ATRX: variants seen among roughly 807,000 people sequenced by gnomAD.
ATRX encodes the protein ATRX chromatin remodeler.
In ATRX, 12 loss-of-function variants were observed where a neutral mutation model predicts 172.6. That is an observed-to-expected ratio of 0.07 (90% CI 0.04 to 0.11). The LOEUF (loss-of-function observed/expected upper bound fraction) is 0.11. ATRX is among the 10% of genes least tolerant of loss of function. ATRX has a pLI of 1.00. For synonymous variants in ATRX, 674 were observed against 594.7 expected (o/e 1.13, Z -1.94); for missense variants, 1,368 against 1,767.4 (o/e 0.77, Z 4.05).
chrX:77,721,632 T>C (rs2073774821), intron 1 of ATRX, among the ~76,000 whole-genome samples: 1 of 111,410 alleles, frequency 9.0e-6, no homozygotes, highest in African/African-American at 3.3e-5. Context: ...AAGGACCTCT[T>C]CAAGGAGAAC....
Position 77,504,940 on chromosome X carries a change from T to G in ATRX, c.*3411A>C. ...TAGTATATATAAAATGTTGTGAAGA[T>G]GAAAGCATTTCTGAAACTTGATCAC... On this transcript the variant is annotated 3_prime_UTR_variant, in exon 35 of 35. Transcript: ENST00000373344. 6.2e-6 allele frequency: 1 copy of G among 160,408 alleles called. No homozygotes were observed. Among genetic ancestry groups the G allele is most frequent in the Non-Finnish European group, 1.2e-5 (1 of 82,015 alleles). The allele number at this position is 160,408 out of a possible 1,213,427, so 13.2% of individuals were successfully genotyped here.
intron 22 of ATRX, 69 bp downstream of exon 22, chrX:77,616,544 T>G: frequency 1.7e-6 from 2 of 1,159,461 alleles, no homozygotes; most frequent in Non-Finnish European, 2.4e-6. Flanking sequence ...GTAAGATGAC[T>G]GAAATAATCT....
intron 7 of ATRX, among the ~76,000 whole-genome samples, chrX:77,687,895 G>T (rs1307039463): frequency 2.7e-5 from 3 of 111,951 alleles, no homozygotes; most frequent in African/African-American, 6.5e-5. Context: ...ATTAATCTTA[G>T]CAGGAATATG....
chrX:77,511,009 G>A (rs2062851334), intron 34 of ATRX, among the ~76,000 whole-genome samples: 1 of 112,725 alleles, frequency 8.9e-6, no homozygotes, highest in African/African-American at 3.2e-5. Context: ...CAGGCTTCAG[G>A]TCTAACCCAG....
intron 1 of ATRX, among the ~76,000 whole-genome samples, chrX:77,737,435 A>AGGGG (rs1210379916): frequency 1.1e-3 from 45 of 39,146 alleles, no homozygotes; most frequent in African/African-American, 4.1e-3. Flanking sequence ...AAAAAAAAAA[A>AGGGG]GGGGGGGGGG....
chrX:77,640,627 C>T (rs190412818), intron 15 of ATRX, among the ~76,000 whole-genome samples: 70 of 110,586 alleles, frequency 6.3e-4, no homozygotes, highest in African/African-American at 2.3e-3. Context: ...AATAAAGACA[C>T]CACGGGACCC....
At chrX:77,547,428 A>C (rs1277192724) in intron 30 of ATRX, among the ~76,000 whole-genome samples, 1 of 111,765 alleles carries the variant, frequency 8.9e-6, no homozygotes, top group Non-Finnish European at 1.9e-5. Context: ...GTTTTCCCTA[A>C]AAGACTTGGT....
chrX:77,532,816 T>C (rs2063622014), intron 30 of ATRX, among the ~76,000 whole-genome samples: 1 of 111,854 alleles, frequency 8.9e-6, no homozygotes, highest in Non-Finnish European at 1.9e-5. Context: ...ACTAAAAAGC[T>C]TCTGCACAGC....
chrX:77,620,915 T>C (rs782672020), intron 19 of ATRX, among the ~76,000 whole-genome samples: 1 of 112,041 alleles, frequency 8.9e-6, no homozygotes, highest in African/African-American at 3.2e-5. Flanking sequence ...ACTTAAACTA[T>C]CAGCAAAGAC....
chrX:77,633,725 A>C lies in ATRX; in HGVS notation c.4810-13T>G. 8.3e-7 allele frequency: 1 copy of C among 1,201,596 alleles called. No homozygotes were observed. Among genetic ancestry groups the C allele is most frequent in the Non-Finnish European group, 1.1e-6 (1 of 887,220 alleles). ...GAAAACTTACCACCTATAAGAAAAC[A>C]GATTGTCACCTTCGTTTAAATATCC... is the stretch of plus-strand genomic sequence containing the variant. On this transcript the variant is annotated splice_polypyrimidine_tract_variant and intron_variant, in intron 17 of 34. Coordinates refer to ENST00000373344, the MANE Select transcript of ATRX (RefSeq NM_000489.6).
At chrX:77,548,035 T>G (rs1358640178) in intron 30 of ATRX, among the ~76,000 whole-genome samples, 4 of 112,139 alleles carry the variant, frequency 3.6e-5, no homozygotes, top group African/African-American at 9.7e-5. Flanking sequence ...CTAGGTAGTA[T>G]GTTTACATGA....
intron 10 of ATRX, among the ~76,000 whole-genome samples, chrX:77,672,737 T>C (rs1441167887): frequency 4.7e-5 from 5 of 107,391 alleles, no homozygotes; most frequent in African/African-American, 1.7e-4. Flanking sequence ...TGAGAAAAAA[T>C]GTGGAGTATT....
chrX:77,657,787 T>G (rs1023278288), intron 12 of ATRX, among the ~76,000 whole-genome samples: 7 of 112,082 alleles, frequency 6.2e-5, no homozygotes, highest in Admixed American at 9.5e-5. Context: ...GATATATGCA[T>G]GGTCACAAAG....
intron 19 of ATRX, among the ~76,000 whole-genome samples, chrX:77,620,923 G>T (rs1557099603): frequency 8.9e-6 from 1 of 111,937 alleles, no homozygotes; most frequent in East Asian, 2.8e-4. Context: ...TATCAGCAAA[G>T]ACTAAGAGCA....
intron 10 of ATRX, chrX:77,675,728 C>A (rs1439575273): frequency 1.6e-5 from 2 of 122,104 alleles, no homozygotes; most frequent in Non-Finnish European, 3.4e-5. Context: ...AGTCTAGATA[C>A]CTTGTAAACT....
At chrX:77,577,013 A>G (rs781915305) in intron 27 of ATRX, among the ~76,000 whole-genome samples, 1 of 111,757 alleles carries the variant, frequency 8.9e-6, no homozygotes, top group African/African-American at 3.2e-5. Flanking sequence ...TTATCCAGTT[A>G]TCTGTTGATG....
intron 15 of ATRX, among the ~76,000 whole-genome samples, chrX:77,651,478 T>C (rs868912232): frequency 8.9e-6 from 1 of 111,754 alleles, no homozygotes; most frequent in African/African-American, 3.3e-5. Flanking sequence ...ATGCTTTCCA[T>C]GCACTTAATT....
chrX:77,608,689 A>G (rs1261513656), intron 22 of ATRX, among the ~76,000 whole-genome samples: 2 of 112,258 alleles, frequency 1.8e-5, no homozygotes, highest in African/African-American at 6.5e-5. Flanking sequence ...CAAAGATTTG[A>G]GTAATACCTC....
chrX:77,646,798 C>G (rs1044085879), intron 15 of ATRX, among the ~76,000 whole-genome samples: 1 of 109,492 alleles, frequency 9.1e-6, no homozygotes, highest in Non-Finnish European at 1.9e-5. Flanking sequence ...TGGCATGCAC[C>G]TATGGTCCCA....
Sources: gnomAD v4.1 joint callset for allele counts (sites outside exome capture counted in the v4.1 genomes callset) on GRCh38, gnomAD v4.1.1 for gene constraint, MANE v1.5 for transcripts, NCBI Gene and HGNC (gene_info 2026-07-23, HGNC 2026-07-21) for gene names.